The following FGFR3 variants were observed in gnomAD, a reference collection of about 807,000 sequenced individuals.
FGFR3 encodes FGFR-3.
FGFR3 carries 25 observed loss-of-function variants against 82.9 expected under a neutral mutation model. The ratio of observed to expected loss-of-function variants is 0.30; its 90% confidence interval spans 0.22 to 0.42. FGFR3 has a LOEUF of 0.42. FGFR3 is among the 10% of genes least tolerant of loss of function. The pLI is 1.00. For missense variants in FGFR3, 1,026 were observed against 1,161.0 expected (o/e 0.88, Z 1.69); for synonymous variants, 620 against 516.0 (o/e 1.20, Z -2.73).
At chr4:1,798,488 C>T (rs1720789548) in intron 2 of FGFR3, among the ~76,000 whole-genome samples, 1 of 151,810 alleles carries the variant, frequency 6.6e-6, no homozygotes, top group South Asian at 2.1e-4. Context: ...TGTGGAGCTT[C>T]CATAGGAGCT....
At position 1,807,015 on chromosome 4, in the gene FGFR3, T is replaced by C. The variant is rs2108815963; in HGVS notation, c.2274+81T>C. On this transcript the variant is annotated intron_variant, in intron 17 of 17. Coordinates refer to ENST00000440486, the MANE Select transcript of FGFR3 (RefSeq NM_000142.5). Reference sequence around the variant, plus strand: ...CCGGCCATCCTGCCCCCCAGAGTGCTGAGGTGTGGGGCGGGCCTTCTGGGG... The same window carrying C: ...CCGGCCATCCTGCCCCCCAGAGTGCCGAGGTGTGGGGCGGGCCTTCTGGGG... 4 of 1,550,970 alleles carry C rather than the reference T, an allele frequency of 2.6e-6. No homozygotes were observed. In the South Asian group the frequency reaches 4.7e-5, roughly 18 times the overall value.
At chr4:1,797,172 A>G (rs1457584575) in intron 2 of FGFR3, among the ~76,000 whole-genome samples, 1 of 151,680 alleles carries the variant, frequency 6.6e-6, no homozygotes, top group Admixed American at 6.6e-5. Flanking sequence ...GAAAGAAAGA[A>G]CCCTTCCTAG....
intron 2 of FGFR3, among the ~76,000 whole-genome samples, chr4:1,797,629 G>T (rs761362463): frequency 4.8e-4 from 73 of 152,352 alleles, no homozygotes; most frequent in Non-Finnish European, 7.8e-4. Context: ...TCGGCCTTCT[G>T]GGGGGCCTCG....
intron 2 of FGFR3, among the ~76,000 whole-genome samples, chr4:1,794,699 G>C (rs1720260988): frequency 6.6e-6 from 1 of 152,150 alleles, no homozygotes; most frequent in Non-Finnish European, 1.5e-5. Flanking sequence ...GGTCTGAAGG[G>C]AGGTCCCAAG....
chr4:1,798,427 C>A (rs112137758), intron 2 of FGFR3, among the ~76,000 whole-genome samples: 179 of 152,116 alleles, frequency 1.2e-3, no homozygotes, highest in African/African-American at 4.2e-3. Flanking sequence ...CCGGACCCAG[C>A]GCCGTGTTTG....
intron 2 of FGFR3, among the ~76,000 whole-genome samples, chr4:1,798,565 C>T (rs996137790): frequency 6.6e-6 from 1 of 151,724 alleles, no homozygotes. Flanking sequence ...CGCGCTGCTC[C>T]GGCCTGTGCT....
Position 1,807,834 on chromosome 4 carries a change from T to C in FGFR3, c.*572T>C, listed in dbSNP as rs966348958. ...TGAAGATGGGAGCCTTTACCTTTTATGCAAAAGGTTTATTCCGGAAACTAG... is the reference window on the plus strand; with the variant it reads ...TGAAGATGGGAGCCTTTACCTTTTACGCAAAAGGTTTATTCCGGAAACTAG... On this transcript the variant is annotated 3_prime_UTR_variant, in exon 18 of 18. Coordinates refer to ENST00000440486, the MANE Select transcript of FGFR3 (RefSeq NM_000142.5). The C allele has an allele frequency of 2.0e-5, 9 of 448,086 alleles. No homozygotes were observed. The highest frequency in any genetic ancestry group is 3.4e-5 in the Non-Finnish European group (8 of 235,876). The allele number at this position is 448,086 out of a possible 1,614,324, so 27.8% of individuals were successfully genotyped here. A position where few individuals can be genotyped will look rare whatever the true frequency, so the allele number is the denominator to read the frequency against.
intron 2 of FGFR3, among the ~76,000 whole-genome samples, chr4:1,797,140 G>A (rs895137894): frequency 6.6e-6 from 1 of 152,188 alleles, no homozygotes; most frequent in South Asian, 2.1e-4. Context: ...GGTGTCAGTG[G>A]GGCCTCCCTT....
At position 1,808,681 on chromosome 4, in the gene FGFR3, C is replaced by T. The variant is rs758331417; in HGVS notation, c.*1419C>T. The T allele has an allele frequency of 4.3e-6, 1 of 232,212 alleles. No individual in the cohort carries two copies. The highest frequency in any genetic ancestry group is 6.1e-5 in the East Asian group (1 of 16,454). The allele number at this position is 232,212 out of a possible 1,614,324, so 14.4% of individuals were successfully genotyped here. On this transcript the variant is annotated 3_prime_UTR_variant, in exon 18 of 18. Coordinates refer to ENST00000440486, the MANE Select transcript of FGFR3 (RefSeq NM_000142.5). The stretch of plus-strand genomic sequence containing the variant: ...AGGGAAGCCGTGAATTCAGTTGGTT[C>T]GTTCTGTACTGTTACTGGGCCCTGA...
At position 1,805,419 on chromosome 4, in the gene FGFR3, G is replaced by A. The variant is rs777253325; in HGVS notation, c.1477G>A (p.Gly493Ser). The change falls in exon 11 of 18, where the codon GGC becomes AGC. Residue 493 changes from glycine to serine, a missense_variant. Physicochemically the swap from Gly to Ser is moderately conservative, Grantham distance 56. Around this residue, in one of 9 missense-constraint regions of FGFR3, gnomAD observed 22 missense variants for 52.8 expected, o/e 0.42. Transcript: ENST00000440486. ...CCAGGTGGTCATGGCGGAGGCCATC[G>A]GCATTGACAAGGACCGGGCCGCCAA... is the stretch of plus-strand genomic sequence containing the variant. ...FGQVVMAEAI[G>S]IDKDRAAKPV... is the part of the protein sequence containing the mutation. The A allele has an allele frequency of 1.9e-6, 3 of 1,612,270 alleles. No individual in the cohort carries two copies. The highest frequency in any genetic ancestry group is 2.2e-5 in the East Asian group (1 of 44,864).
In FGFR3 at chr4:1,804,289, G is replaced by GT. The variant is rs771000461; in HGVS notation, c.1076-41_1076-40insT. 2.6e-6 allele frequency: 4 copies of GT among 1,550,822 alleles called. No homozygotes were observed. In the African/African-American group the frequency reaches 4.1e-5, roughly 16 times the overall value. ...GGGGCATCCATGGGAGCCCCGTGGG[G>GT]GGGGGGGCCAGGCCAGGCCTCAACG... On this transcript the variant is annotated intron_variant, in intron 8 of 17. Coordinates refer to ENST00000440486, the MANE Select transcript of FGFR3 (RefSeq NM_000142.5).
rs1722235798 is a variant in FGFR3, at chr4:1,808,409, ACTTC to A, written c.*1148_*1151del. 1 of 232,298 alleles carries A rather than the reference ACTTC, an allele frequency of 4.3e-6. No homozygotes were observed. Among genetic ancestry groups the A allele is most frequent in the Non-Finnish European group, 8.5e-6 (1 of 117,316 alleles). The allele number at this position is 232,298 out of a possible 1,614,324, so 14.4% of individuals were successfully genotyped here. ...TTTCTTTAGGAGATTTATTTTTTGG[ACTTC>A]AAAGCAAGCTGGTATTTTCATACAA... On this transcript the variant is annotated 3_prime_UTR_variant, in exon 18 of 18. Coordinates refer to ENST00000440486, the MANE Select transcript of FGFR3 (RefSeq NM_000142.5).
At chr4:1,802,164 G>C (rs1190017270) in intron 7 of FGFR3, 139 bp downstream of exon 7, 2 of 937,932 alleles carry the variant, frequency 2.1e-6, no homozygotes, top group African/African-American at 1.6e-5. Flanking sequence ...GGTGCTTGTG[G>C]GGCCAAGTCT....
chr4:1,795,090 C>A (rs960837496), intron 2 of FGFR3, among the ~76,000 whole-genome samples: 1 of 151,394 alleles, frequency 6.6e-6, no homozygotes, highest in South Asian at 2.1e-4. Flanking sequence ...TCTCCGTCGG[C>A]GGCTGCAGCC....
chr4:1,805,887 G>C lies in FGFR3; in HGVS notation c.1783G>C (p.Val595Leu). The C allele has an allele frequency of 6.2e-7, 1 of 1,612,820 alleles. No individual in the cohort carries two copies. Among genetic ancestry groups the C allele is most frequent in the Non-Finnish European group, 8.5e-7 (1 of 1,179,818 alleles). The change falls in exon 13 of 18, where the codon GTG (valine) becomes CTG (leucine). Residue 595 changes from valine (V) to leucine (L), a missense_variant. By Grantham distance (32) the Val-to-Leu change is conservative. Transcript: ENST00000440486. ...PEEQLTFKDL[V>L]SCAYQVARGM... ...GGAGCAGCTCACCTTCAAGGACCTGGTGTCCTGTGCCTACCAGGTGGCCCG... is the reference window on the plus strand; with the variant it reads ...GGAGCAGCTCACCTTCAAGGACCTGCTGTCCTGTGCCTACCAGGTGGCCCG...
chr4:1,804,625 C>T, intron 9 of FGFR3, 105 bp downstream of exon 9: 2 of 1,512,038 alleles, frequency 1.3e-6, no homozygotes, highest in Non-Finnish European at 1.8e-6. Flanking sequence ...CTCTCTGCAG[C>T]CAGGCGGGCT....
chr4:1,802,149 G>GT, intron 7 of FGFR3, 124 bp downstream of exon 7: 1 of 1,062,480 alleles, frequency 9.4e-7, no homozygotes, highest in Admixed American at 2.1e-5. Flanking sequence ...GGCAGAAGCT[G>GT]TGGGGGTGCT....
chr4:1,799,333 G>C lies in FGFR3; in HGVS notation c.189G>C (p.Pro63=), dbSNP rs140377760. The C allele has an allele frequency of 4.3e-6, 7 of 1,612,588 alleles. No homozygotes were observed. In the African/African-American group the frequency reaches 6.7e-5, roughly 15 times the overall value. Residue 63 remains proline (P), a synonymous_variant, in exon 3 of 18, where the codon CCG becomes CCC. Coordinates refer to ENST00000440486, the MANE Select transcript of FGFR3 (RefSeq NM_000142.5). Reference sequence around the variant, plus strand: ...ATGCTGTGGAGCTGAGCTGTCCCCCGCCCGGGGGTGGTCCCATGGGGCCCA... The same window carrying C: ...ATGCTGTGGAGCTGAGCTGTCCCCCCCCCGGGGGTGGTCCCATGGGGCCCA... ...SGDAVELSCP[P]PGGGPMGPTV...
Position 1,807,538 on chromosome 4 carries a change from T to C in FGFR3, c.*276T>C. On this transcript the variant is annotated 3_prime_UTR_variant, in exon 18 of 18. Coordinates refer to ENST00000440486, the MANE Select transcript of FGFR3 (RefSeq NM_000142.5). ...GTGCTGCAGCACCGAGGGGCCTTTG[T>C]TCTGGGGGGACCCAGTGCAGAATGT... 1.4e-6 allele frequency: 1 copy of C among 712,472 alleles called. No individual in the cohort carries two copies. The allele number at this position is 712,472 out of a possible 1,614,324, so 44.1% of individuals were successfully genotyped here.
Sources: allele counts gnomAD v4.1 joint callset (sites outside exome capture counted in the v4.1 genomes callset), GRCh38; gene constraint gnomAD v4.1.1; regional missense constraint gnomAD v4.1.1; transcripts MANE v1.5; gene names NCBI Gene and HGNC (gene_info 2026-07-23, HGNC 2026-07-21).